Variants in RPS6KA3 observed in about 807,000 individuals in gnomAD.
RPS6KA3 encodes ribosomal protein S6 kinase alpha-3.
In RPS6KA3, 4 loss-of-function variants were observed where a neutral mutation model predicts 67.2. The observed-to-expected ratio is 0.06, with a 90% CI of 0.03 to 0.14. The LOEUF (loss-of-function observed/expected upper bound fraction) is 0.14, where lower values mean the gene tolerates loss of function less well. RPS6KA3 is among the 10% of genes least tolerant of loss of function. The probability of loss-of-function intolerance (pLI) is 1.00; values close to 1 mark genes in which losing one functional copy is unlikely to be tolerated. For synonymous variants in RPS6KA3, 182 were observed against 183.7 expected, an observed-to-expected ratio of 0.99 and a Z score of 0.07; for missense variants, 204 against 559.0, an observed-to-expected ratio of 0.36 and a Z score of 6.40.
chrX:20,217,010 T>C (rs190526507), intron 2 of RPS6KA3, among the ~76,000 whole-genome samples: 259 of 112,250 alleles, frequency 2.3e-3, no homozygotes, highest in Middle Eastern at 9.2e-3. Context: ...TAGATAAATA[T>C]CTGTTGAGAT....
intron 7 of RPS6KA3, 118 bp from the exon 8 acceptor site, chrX:20,188,652 C>A: frequency 4.5e-6 from 2 of 440,215 alleles, no homozygotes; most frequent in Admixed American, 7.8e-5. Context: ...TTGCTTTAGA[C>A]TGTGAATAAG....
At chrX:20,232,253 C>G (rs2069285826) in intron 2 of RPS6KA3, among the ~76,000 whole-genome samples, 1 of 108,024 alleles carries the variant, frequency 9.3e-6, no homozygotes, top group Admixed American at 9.7e-5. Context: ...AAGCATGAAA[C>G]CCAGAAGCCA....
chrX:20,234,137 T>C (rs2069346356), intron 2 of RPS6KA3, among the ~76,000 whole-genome samples: 1 of 112,552 alleles, frequency 8.9e-6, no homozygotes, highest in South Asian at 3.6e-4. Context: ...TATATTTTTG[T>C]CTTTAACAAA....
chrX:20,249,646 G>A (rs2069806810), intron 1 of RPS6KA3, among the ~76,000 whole-genome samples: 1 of 112,041 alleles, frequency 8.9e-6, no homozygotes, highest in African/African-American at 3.2e-5. Context: ...TGGATTGCTT[G>A]TCTTTGTTAT....
intron 2 of RPS6KA3, among the ~76,000 whole-genome samples, chrX:20,213,277 C>T (rs1159267586): frequency 9.0e-6 from 1 of 111,361 alleles, no homozygotes; most frequent in African/African-American, 3.3e-5. Context: ...ACCCTCACGC[C>T]TAGACTTGAA....
At chrX:20,161,247 G>C (rs1323036014) in intron 20 of RPS6KA3, among the ~76,000 whole-genome samples, 1 of 111,980 alleles carries the variant, frequency 8.9e-6, no homozygotes, top group Non-Finnish European at 1.9e-5. Context: ...ATGTAACATA[G>C]ACAAGTTCAA....
At chrX:20,253,419 C>T (rs1336892367) in intron 1 of RPS6KA3, among the ~76,000 whole-genome samples, 1 of 111,122 alleles carries the variant, frequency 9.0e-6, no homozygotes, top group Non-Finnish European at 1.9e-5. Context: ...TCATAGCACC[C>T]TGTCTAGGAT....
At chrX:20,246,580 C>A (rs2069696497) in intron 1 of RPS6KA3, among the ~76,000 whole-genome samples, 1 of 111,110 alleles carries the variant, frequency 9.0e-6, no homozygotes, top group African/African-American at 3.3e-5. Flanking sequence ...GCCCTCCTAC[C>A]CAAAATAGAT....
Position 20,176,982 on chromosome X carries a change from G to T in RPS6KA3, c.934+14C>A, listed in dbSNP as rs1390856964. On this transcript the variant is annotated intron_variant, in intron 11 of 21. Coordinates refer to ENST00000379565, the MANE Select transcript of RPS6KA3 (RefSeq NM_004586.3). ...ACAAACATACAACATAAACAAATTAGTTAAAATTTTTACCTAATCTGTTTG... is the reference window on the plus strand; with the variant it reads ...ACAAACATACAACATAAACAAATTATTTAAAATTTTTACCTAATCTGTTTG... 6.2e-6 allele frequency: 7 copies of T among 1,134,952 alleles called. No homozygotes were observed. Among genetic ancestry groups the T allele is most frequent in the Non-Finnish European group, 8.5e-6 (7 of 826,997 alleles). The allele number at this position is 1,134,952 out of a possible 1,213,427, so 93.5% of individuals were successfully genotyped here.
At chrX:20,233,004 C>T (rs148256559) in intron 2 of RPS6KA3, among the ~76,000 whole-genome samples, 6 of 110,991 alleles carry the variant, frequency 5.4e-5, no homozygotes, top group East Asian at 2.8e-4. Context: ...GGCGTGGTGA[C>T]GGTTGCCTGT....
rs59583831 is a variant in RPS6KA3, at chrX:20,213,942, C to T, written c.127-4538G>A. 3.4e-3 allele frequency among the ~76,000 whole-genome samples: 364 copies of T among 107,547 alleles called. 2 individuals carry two copies. Among genetic ancestry groups the T allele is most frequent in the African/African-American group, 0.012 (346 of 29,135 alleles). The allele number at this position is 107,547 out of a possible 115,157, so 93.4% of individuals were successfully genotyped here. A position where few individuals can be genotyped will look rare whatever the true frequency, so the allele number is the denominator to read the frequency against. On this transcript the variant is annotated intron_variant, in intron 2 of 21. Transcript: ENST00000379565. Reference sequence around the variant, plus strand: ...CGACTCCCAGGCCAATCTGAGGGGACTTAAAAAAAAAACAAAACTTCATTA... The same window carrying T: ...CGACTCCCAGGCCAATCTGAGGGGATTTAAAAAAAAAACAAAACTTCATTA...
chrX:20,246,180 C>T (rs2069685857), intron 1 of RPS6KA3, among the ~76,000 whole-genome samples: 1 of 108,594 alleles, frequency 9.2e-6, no homozygotes, highest in Non-Finnish European at 1.9e-5. Context: ...GCTCTGGAGC[C>T]TGATACATCA....
chrX:20,225,708 T>A (rs1410059163), intron 2 of RPS6KA3, among the ~76,000 whole-genome samples: 1 of 111,679 alleles, frequency 9.0e-6, no homozygotes, highest in Non-Finnish European at 1.9e-5. Context: ...ATGATGGCTG[T>A]AATAGGTGTG....
chrX:20,203,796 A>G (rs940715388), intron 4 of RPS6KA3: 3 of 368,063 alleles, frequency 8.2e-6, no homozygotes, highest in Admixed American at 4.5e-5. Flanking sequence ...ATAAAACTCA[A>G]TATGAATTTA....
Position 20,155,049 on chromosome X carries a change from T to C in RPS6KA3, c.*349A>G, listed in dbSNP as rs1254845540. 1 of 257,354 alleles carries C rather than the reference T, an allele frequency of 3.9e-6. No homozygotes were observed. Among genetic ancestry groups the C allele is most frequent in the African/African-American group, 2.8e-5 (1 of 35,543 alleles). The allele number at this position is 257,354 out of a possible 1,213,427, so 21.2% of individuals were successfully genotyped here. Reference sequence around the variant, plus strand: ...CCATCCCTATAACTAACAAAGAATATTTAAGGGACATGAAATATTTCCTAT... The same window carrying C: ...CCATCCCTATAACTAACAAAGAATACTTAAGGGACATGAAATATTTCCTAT... On this transcript the variant is annotated 3_prime_UTR_variant, in exon 22 of 22. Transcript: ENST00000379565.
At chrX:20,212,931 T>C (rs1278577002) in intron 2 of RPS6KA3, among the ~76,000 whole-genome samples, 2 of 111,830 alleles carry the variant, frequency 1.8e-5, no homozygotes, top group Non-Finnish European at 3.8e-5. Context: ...TGGTTACTCA[T>C]AATATCCCTT....
At position 20,152,338 on chromosome X, in the gene RPS6KA3, C is replaced by A. The variant is rs1295594690; in HGVS notation, c.*3060G>T. ...AAATTAAAAAAGGATGAAAAACTTA[C>A]CTTCATTTAACATCATCACTTGAAA... On this transcript the variant is annotated 3_prime_UTR_variant, in exon 22 of 22. Transcript: ENST00000379565. The A allele has an allele frequency of 2.7e-5, 3 of 112,670 alleles. No homozygotes were observed. The highest frequency in any genetic ancestry group is 5.6e-5 in the Non-Finnish European group (3 of 53,285). The allele number at this position is 112,670 out of a possible 1,213,427, so 9.3% of individuals were successfully genotyped here.
intron 3 of RPS6KA3, among the ~76,000 whole-genome samples, chrX:20,206,019 G>C (rs1000636150): frequency 8.9e-6 from 1 of 112,418 alleles, no homozygotes; most frequent in African/African-American, 3.2e-5. Flanking sequence ...TCACAGTGGA[G>C]GTACTGGGAC....
rs1019046694 is a variant in RPS6KA3 at position 20,150,516 on chromosome X, T to A, written c.*4882A>T. The A allele has an allele frequency of 8.9e-6, 1 of 112,837 alleles. No homozygotes were observed. The highest frequency in any genetic ancestry group is 1.9e-5 in the Non-Finnish European group (1 of 53,254). The allele number at this position is 112,837 out of a possible 1,213,427, so 9.3% of individuals were successfully genotyped here. On this transcript the variant is annotated 3_prime_UTR_variant, in exon 22 of 22. Transcript: ENST00000379565. Reference sequence around the variant, plus strand: ...AATGGCAATACCTTGAAGCTTTTTTTAAAATTAAAAACCAAAGCTTTAGAT... The same window carrying A: ...AATGGCAATACCTTGAAGCTTTTTTAAAAATTAAAAACCAAAGCTTTAGAT...
Sources: gnomAD v4.1 joint callset for allele counts (sites outside exome capture counted in the v4.1 genomes callset) on GRCh38, gnomAD v4.1.1 for gene constraint, MANE v1.5 for transcripts, NCBI Gene and HGNC (gene_info 2026-07-23, HGNC 2026-07-21) for gene names.